ARHGAP6: variants seen among roughly 807,000 people sequenced by gnomAD.
ARHGAP6 encodes the protein rho GTPase-activating protein 6.
Under a neutral mutation model 55.7 loss-of-function variants are expected in ARHGAP6, and 16 were observed. The observed-to-expected ratio is 0.29, with a 90% CI of 0.19 to 0.44. The LOEUF is 0.44. ARHGAP6 is among the 20% of genes least tolerant of loss of function. The pLI is 1.00. For missense variants in ARHGAP6, 698 were observed against 808.9 expected (o/e 0.86, Z 1.66); for synonymous variants, 382 against 360.9 (o/e 1.06, Z -0.66).
At chrX:11,352,582 A>G (rs1346453338) in intron 1 of ARHGAP6, among the ~76,000 whole-genome samples, 1 of 111,997 alleles carries the variant, frequency 8.9e-6, no homozygotes, top group Non-Finnish European at 1.9e-5. Flanking sequence ...GACAAGGGCC[A>G]ACTTCAGTGT....
At chrX:11,571,709 A>AAATAGTAATAAT (rs1556087764) in intron 1 of ARHGAP6, among the ~76,000 whole-genome samples, 2 of 95,784 alleles carry the variant, frequency 2.1e-5, no homozygotes, top group African/African-American at 7.9e-5. Flanking sequence ...CTTGTATATT[A>AAATAGTAATAAT]AATAATAATA....
chrX:11,364,988 G>A (rs1188105530), intron 1 of ARHGAP6, among the ~76,000 whole-genome samples: 1 of 111,379 alleles, frequency 9.0e-6, no homozygotes, highest in Non-Finnish European at 1.9e-5. Flanking sequence ...AAAGGAAGGT[G>A]GGGGAAATGC....
At position 11,347,609 on chromosome X, in the gene ARHGAP6, C is replaced by T. The variant is rs181030348; in HGVS notation, c.589-92902G>A. ...TTTCCTCAGAATGCTTATGTATGTT[C>T]GAAATCCTTATTATATAGCAATATC... On this transcript the variant is annotated intron_variant, in intron 1 of 12. Coordinates refer to ENST00000337414, the MANE Select transcript of ARHGAP6 (RefSeq NM_013427.3). 2.7e-5 allele frequency among the ~76,000 whole-genome samples: 3 copies of T among 111,975 alleles called. No homozygotes were observed. In the East Asian group the frequency reaches 8.4e-4, roughly 32 times the overall value.
At chrX:11,605,574 G>A (rs1037226123) in intron 1 of ARHGAP6, among the ~76,000 whole-genome samples, 1 of 111,557 alleles carries the variant, frequency 9.0e-6, no homozygotes, top group African/African-American at 3.3e-5. Context: ...TGCCATGTGA[G>A]GAAGGCAAGT....
At chrX:11,290,339 T>C (rs1236565735) in intron 1 of ARHGAP6, 1 of 337,134 alleles carries the variant, frequency 3.0e-6, no homozygotes, top group South Asian at 2.9e-5. Flanking sequence ...TAAGAGCTTT[T>C]TCTAGGTACC....
chrX:11,492,597 C>T (rs2050582346), intron 1 of ARHGAP6, among the ~76,000 whole-genome samples: 1 of 111,140 alleles, frequency 9.0e-6, no homozygotes, highest in Non-Finnish European at 1.9e-5. Flanking sequence ...TCATAAGAGT[C>T]ACGAATAATA....
chrX:11,538,776 A>G (rs756109124), intron 1 of ARHGAP6, among the ~76,000 whole-genome samples: 4 of 110,230 alleles, frequency 3.6e-5, no homozygotes, highest in Non-Finnish European at 7.6e-5. Context: ...AGATTTCTCA[A>G]CCTTGGCACT....
At chrX:11,283,072 A>G (rs2047878123) in intron 1 of ARHGAP6, among the ~76,000 whole-genome samples, 1 of 112,064 alleles carries the variant, frequency 8.9e-6, no homozygotes, top group Non-Finnish European at 1.9e-5. Context: ...ACAGAATGTA[A>G]TATTATCCCC....
intron 1 of ARHGAP6, among the ~76,000 whole-genome samples, chrX:11,281,463 T>G (rs897580633): frequency 1.8e-5 from 2 of 110,316 alleles, no homozygotes; most frequent in Admixed American, 1.9e-4. Flanking sequence ...ATTAGTTATA[T>G]GCATATATGT....
At chrX:11,226,001 C>T (rs753324916) in intron 2 of ARHGAP6, among the ~76,000 whole-genome samples, 12 of 102,455 alleles carry the variant, frequency 1.2e-4, no homozygotes, top group Admixed American at 4.3e-4. Flanking sequence ...CCGAGAGTTT[C>T]TTTTTTTTTT....
chrX:11,217,436 G>T (rs1409851373), intron 2 of ARHGAP6, among the ~76,000 whole-genome samples: 2 of 111,914 alleles, frequency 1.8e-5, no homozygotes, highest in Non-Finnish European at 3.8e-5. Context: ...ATCTCATTGT[G>T]GTTTTGATTT....
At chrX:11,621,322 T>G (rs1387974623) in intron 1 of ARHGAP6, among the ~76,000 whole-genome samples, 1 of 112,197 alleles carries the variant, frequency 8.9e-6, no homozygotes, top group African/African-American at 3.2e-5. Flanking sequence ...GTGGTGAAAT[T>G]AATTTTATAA....
chrX:11,156,810 G>A (rs1255084060), intron 9 of ARHGAP6, among the ~76,000 whole-genome samples, 184 bp from the exon 10 acceptor site: 2 of 112,275 alleles, frequency 1.8e-5, no homozygotes, highest in Non-Finnish European at 3.8e-5. Flanking sequence ...GGACCAACTG[G>A]ATGATTACCA....
At chrX:11,352,426 A>C (rs1316936953) in intron 1 of ARHGAP6, among the ~76,000 whole-genome samples, 1 of 112,215 alleles carries the variant, frequency 8.9e-6, no homozygotes, top group Non-Finnish European at 1.9e-5. Flanking sequence ...TTTATTTACC[A>C]GTAAGAAGTA....
At chrX:11,199,087 G>C (rs2046583873) in intron 2 of ARHGAP6, among the ~76,000 whole-genome samples, 1 of 112,239 alleles carries the variant, frequency 8.9e-6, no homozygotes, top group African/African-American at 3.2e-5. Flanking sequence ...CACTTCATGA[G>C]ATTCATCCTG....
chrX:11,420,964 C>T (rs1349551202), intron 1 of ARHGAP6, among the ~76,000 whole-genome samples: 16 of 112,135 alleles, frequency 1.4e-4, no homozygotes, highest in African/African-American at 5.2e-4. Flanking sequence ...TAGCTAATGT[C>T]TGACATGAGA....
chrX:11,446,192 A>T (rs1321330400), intron 1 of ARHGAP6, among the ~76,000 whole-genome samples: 2 of 112,378 alleles, frequency 1.8e-5, no homozygotes, highest in Non-Finnish European at 3.8e-5. Flanking sequence ...GGATCCCTTC[A>T]GGTATTATTC....
chrX:11,240,280 C>T (rs1027254247), intron 2 of ARHGAP6, among the ~76,000 whole-genome samples: 1 of 112,212 alleles, frequency 8.9e-6, no homozygotes, highest in Non-Finnish European at 1.9e-5. Context: ...CTTTGAGTTG[C>T]CTGCTTCATA....
Position 11,214,511 on chromosome X carries a change from C to G in ARHGAP6, c.749-17515G>C, listed in dbSNP as rs754173138. On this transcript the variant is annotated intron_variant, in intron 2 of 12. Transcript: ENST00000337414. ...AGCCTGGGGGCAAGGTCCTAGGCCC[C>G]GTTCACTTGGCCTCCATTCCTTAGG... 2.7e-5 allele frequency among the ~76,000 whole-genome samples: 3 copies of G among 112,766 alleles called. No individual in the cohort carries two copies. In the South Asian group the frequency reaches 1.1e-3, roughly 41 times the overall value.
Sources: gnomAD v4.1 joint callset for allele counts (sites outside exome capture counted in the v4.1 genomes callset) on GRCh38, gnomAD v4.1.1 for gene constraint, MANE v1.5 for transcripts, NCBI Gene and HGNC (gene_info 2026-07-23, HGNC 2026-07-21) for gene names.